The following SP2 variants were observed in gnomAD, a reference collection of about 807,000 sequenced individuals.
SP2 encodes transcription factor Sp2.
Under a neutral mutation model 50.1 loss-of-function variants are expected in SP2, and 9 were observed. The ratio of observed to expected loss-of-function variants is 0.18; its 90% CI spans 0.11 to 0.31. The LOEUF is 0.31. Among genes scored for constraint, SP2 ranks in the 10% least tolerant of loss-of-function variants. The probability of loss-of-function intolerance (pLI) is 1.00; values close to 1 mark genes in which losing one functional copy is unlikely to be tolerated. For missense variants in SP2, 581 were observed against 806.5 expected, an observed-to-expected ratio of 0.72 and a Z score of 3.39; for synonymous variants, 313 against 326.6, an observed-to-expected ratio of 0.96 and a Z score of 0.45.
At chr17:47,918,191 G>A (rs748248987) in intron 3 of SP2, among the ~76,000 whole-genome samples, 20 of 152,000 alleles carry the variant, frequency 1.3e-4, no homozygotes, top group Middle Eastern at 3.4e-3. Context: ...AGGAAGAACC[G>A]AATGACTGAG....
chr17:47,914,967 C>T, intron 1 of SP2: 2 of 171,110 alleles, frequency 1.2e-5, no homozygotes, highest in South Asian at 1.5e-4. Context: ...AATCCCAGCA[C>T]TTTGGGAAGC....
At chr17:47,907,185 G>T (rs560604859) in intron 1 of SP2, among the ~76,000 whole-genome samples, 1 of 151,902 alleles carries the variant, frequency 6.6e-6, no homozygotes, top group African/African-American at 2.4e-5. Flanking sequence ...AGGAGGGAGG[G>T]GACGGCAGGG....
At chr17:47,901,541 C>T (rs898174095) in intron 1 of SP2, among the ~76,000 whole-genome samples, 3 of 152,184 alleles carry the variant, frequency 2.0e-5, no homozygotes, top group African/African-American at 2.4e-5. Flanking sequence ...TCTGCCAATG[C>T]ATGTCAATGG....
In SP2 at chr17:47,916,616, C is replaced by T; in HGVS notation, c.545C>T (p.Ala182Val). Residue 182 changes from alanine to valine, a missense_variant, in exon 3 of 7, where the codon GCC becomes GTC. Ala to Val is a moderately conservative substitution (Grantham distance 64, BLOSUM62 0). Coordinates refer to ENST00000376741, the MANE Select transcript of SP2 (RefSeq NM_003110.6). The surrounding 1 kb of genome is among the most constrained non-coding windows in gnomAD (Gnocchi z 4.7). ...SSHKPVPIKP[A>V]PIQKSSTTTT... ...CACAAGCCTGTCCCCATCAAGCCAGCCCCCATCCAGAAGTCGAGTACGACC... is the reference window on the plus strand; with the variant it reads ...CACAAGCCTGTCCCCATCAAGCCAGTCCCCATCCAGAAGTCGAGTACGACC... The T allele has an allele frequency of 6.2e-7, 1 of 1,614,084 alleles. No homozygotes were observed. Among genetic ancestry groups the T allele is most frequent in the East Asian group, 2.2e-5 (1 of 44,874 alleles).
chr17:47,900,164 G>A (rs1466380281), intron 1 of SP2: 1 of 152,212 alleles, frequency 6.6e-6, no homozygotes, highest in Non-Finnish European at 1.5e-5. Flanking sequence ...AAATGGCTCA[G>A]GAGGAGCCAG....
rs563277312 is a variant in SP2, at chr17:47,921,811, C to T, written c.1060-1151C>T. On this transcript the variant is annotated intron_variant, in intron 3 of 6. Transcript: ENST00000376741. ...GAGCATGTGAGTTACAAGCTAAGGC[C>T]TGGGTGCTAGGTAAGCTCATTGCTA... Among the ~76,000 whole-genome samples, 34 of 152,322 alleles carry T rather than the reference C, an allele frequency of 2.2e-4. No homozygotes were observed. The Middle Eastern group carries it at 0.014, about 61-fold the overall frequency.
chr17:47,929,085 C>T (rs1164517254), downstream of SP2: 2 of 152,664 alleles, frequency 1.3e-5, no homozygotes, highest in Admixed American at 6.5e-5. Context: ...TCCTGACCCT[C>T]GGCAAACCCA....
chr17:47,925,083 G>A lies in SP2; in HGVS notation c.1537G>A (p.Gly513Arg). 6.2e-7 allele frequency: 1 copy of A among 1,608,634 alleles called. No individual in the cohort carries two copies. The highest frequency in any genetic ancestry group is 8.5e-7 in the Non-Finnish European group (1 of 1,176,580). The change falls in exon 5 of 7, where the codon GGG becomes AGG. Residue 513 changes from glycine (G) to arginine (R), a missense_variant. Transcript: ENST00000376741. ...MACTCPNCKD[G>R]EKRSGEQGKK... ...CTGCACGTGTCCCAACTGCAAGGAT[G>A]GGGAGAAGAGGTAATTCAAGGAGAA...
chr17:47,928,039 C>T lies in SP2; in HGVS notation c.*215C>T, dbSNP rs1272537418. 4 of 539,858 alleles carry T rather than the reference C, an allele frequency of 7.4e-6. No homozygotes were observed. Among genetic ancestry groups the T allele is most frequent in the South Asian group, 2.3e-5 (1 of 42,938 alleles). The allele number at this position is 539,858 out of a possible 1,614,324, so 33.4% of individuals were successfully genotyped here. ...GGCCCTTCCCCTCACCACGAGCTCC[C>T]GGCCTGCCCAGACTGTGGACACTGG... On this transcript the variant is annotated 3_prime_UTR_variant, in exon 7 of 7. Transcript: ENST00000376741.
intron 3 of SP2, among the ~76,000 whole-genome samples, chr17:47,920,397 C>T (rs1186490334): frequency 6.6e-6 from 1 of 151,632 alleles, no homozygotes; most frequent in Non-Finnish European, 1.5e-5. Flanking sequence ...TCAAGCAATT[C>T]TGCCTCAGCC....
At chr17:47,911,876 G>C (rs541572604) in intron 1 of SP2, among the ~76,000 whole-genome samples, 31 of 151,786 alleles carry the variant, frequency 2.0e-4, no homozygotes, top group African/African-American at 7.0e-4. Context: ...AGATGCCTGT[G>C]AACCCTGGTC....
chr17:47,897,828 C>G, intron 1 of SP2: 1 of 984,506 alleles, frequency 1.0e-6, no homozygotes, highest in Non-Finnish European at 1.2e-6. Context: ...GCGAATCTAT[C>G]AGACAACCTA....
intron 1 of SP2, chr17:47,908,589 T>G (rs1036626771): frequency 6.6e-6 from 1 of 152,116 alleles, no homozygotes; most frequent in Non-Finnish European, 1.5e-5. Flanking sequence ...AGTCTTGCTC[T>G]TGTCGCCCAG....
chr17:47,911,583 C>T (rs1329264237), intron 1 of SP2, among the ~76,000 whole-genome samples: 2 of 151,590 alleles, frequency 1.3e-5, no homozygotes, highest in East Asian at 1.9e-4. Context: ...CCAAGGCAGG[C>T]GGATCACGAG....
At chr17:47,929,321 T>C (rs4369725), downstream of SP2, among the ~76,000 whole-genome samples, 66,647 of 152,130 alleles carry the variant, frequency 0.44, 14,910 homozygotes, top group East Asian at 0.76. Context: ...GAGGAAGGCA[T>C]TGGCCTCAGA....
Position 47,922,999 on chromosome 17 carries a change from T to C in SP2, c.1097T>C (p.Val366Ala). ...IRTPSGEVQT[V>A]LVQDSPPATA... Reference sequence around the variant, plus strand: ...ACGCCTTCCGGTGAGGTGCAGACAGTCCTTGTCCAGGACAGCCCCCCAGCA... The same window carrying C: ...ACGCCTTCCGGTGAGGTGCAGACAGCCCTTGTCCAGGACAGCCCCCCAGCA... Residue 366 changes from valine (V) to alanine (A), a missense_variant, in exon 4 of 7, where the codon GTC becomes GCC. Around this residue, in one of 2 missense-constraint regions of SP2, gnomAD observed 397 missense variants for 491.0 expected, o/e 0.81. Coordinates refer to ENST00000376741, the MANE Select transcript of SP2 (RefSeq NM_003110.6). 1.9e-6 allele frequency: 3 copies of C among 1,614,030 alleles called. No individual in the cohort carries two copies. The highest frequency in any genetic ancestry group is 2.5e-6 in the Non-Finnish European group (3 of 1,179,986).
intron 1 of SP2, among the ~76,000 whole-genome samples, chr17:47,897,099 A>C (rs1037555242): frequency 1.5e-4 from 23 of 152,302 alleles, no homozygotes; most frequent in African/African-American, 5.1e-4. Flanking sequence ...AGGCGCAAAC[A>C]ATCTTAAGGA....
chr17:47,923,942 C>T (rs1291241194), intron 4 of SP2, among the ~76,000 whole-genome samples: 1 of 151,832 alleles, frequency 6.6e-6, no homozygotes, highest in Non-Finnish European at 1.5e-5. Flanking sequence ...CCTGGTGATC[C>T]ATCCGCCTCA....
intron 1 of SP2, among the ~76,000 whole-genome samples, chr17:47,909,110 C>A (rs528925401): frequency 1.3e-5 from 2 of 152,222 alleles, no homozygotes; most frequent in Non-Finnish European, 2.9e-5. Context: ...CTGACCACAA[C>A]CATTGCTGCT....
Sources: gnomAD v4.1 joint callset for allele counts (sites outside exome capture counted in the v4.1 genomes callset) on GRCh38, gnomAD v4.1.1 for gene constraint, gnomAD v4.1.1 regional missense constraint, Gnocchi (gnomAD v3.1) non-coding constraint, MANE v1.5 for transcripts, NCBI Gene and HGNC (gene_info 2026-07-23, HGNC 2026-07-21) for gene names.